MYO1E: variants seen among roughly 807,000 people sequenced by gnomAD.
The protein encoded by MYO1E is unconventional myosin-Ie.
In MYO1E, 68 loss-of-function variants were observed where a neutral mutation model predicts 151.1. The observed-to-expected ratio is 0.45, with a 90% confidence interval of 0.37 to 0.55. The LOEUF is 0.55. Ranked by LOEUF, MYO1E falls within the 20% of genes least tolerant of loss-of-function variation. MYO1E has a pLI of 0.00. For missense variants in MYO1E, 1,363 were observed against 1,389.3 expected (o/e 0.98, Z 0.30); for synonymous variants, 601 against 501.7 (o/e 1.20, Z -2.64).
In MYO1E at chr15:59,372,618, G is replaced by T; in HGVS notation, c.-118C>A. 1.5e-6 allele frequency: 2 copies of T among 1,330,578 alleles called. No individual in the cohort carries two copies. The highest frequency in any genetic ancestry group is 2.1e-6 in the Non-Finnish European group (2 of 974,382). The allele number at this position is 1,330,578 out of a possible 1,614,324, so 82.4% of individuals were successfully genotyped here. A position where few individuals can be genotyped will look rare whatever the true frequency, so the allele number is the denominator to read the frequency against. On this transcript the variant is annotated 5_prime_UTR_variant, in exon 1 of 28. Coordinates refer to ENST00000288235, the MANE Select transcript of MYO1E (RefSeq NM_004998.4). ...TTCCCCTCGCCAAAAACAGGCTCCC[G>T]ACACCCAAGCACTCACAGGAGCCAA...
At chr15:59,302,104 A>C (rs2080486509) in intron 1 of MYO1E, among the ~76,000 whole-genome samples, 1 of 152,168 alleles carries the variant, frequency 6.6e-6, no homozygotes. Context: ...AATTCTCAGG[A>C]AAGTCCCAGG....
chr15:59,300,296 G>GCACA (rs142354170), intron 1 of MYO1E, among the ~76,000 whole-genome samples: 1,928 of 150,070 alleles, frequency 0.013, 34 homozygotes, highest in African/African-American at 0.032. Flanking sequence ...CCCAGCACGC[G>GCACA]CACACACACA....
chr15:59,162,336 C>G (rs1231349044), intron 23 of MYO1E, among the ~76,000 whole-genome samples: 2 of 152,128 alleles, frequency 1.3e-5, no homozygotes, highest in African/African-American at 4.8e-5. Context: ...TCCATTAGAT[C>G]ATGTTGCCAA....
intron 1 of MYO1E, among the ~76,000 whole-genome samples, chr15:59,351,710 G>A (rs2080824202): frequency 6.7e-6 from 1 of 150,046 alleles, no homozygotes; most frequent in African/African-American, 2.4e-5. Context: ...GAAAAGGAAG[G>A]GGGAGTCCTG....
chr15:59,364,587 T>G lies in MYO1E; in HGVS notation c.3+7911A>C, dbSNP rs148332675. 3.9e-3 allele frequency among the ~76,000 whole-genome samples: 592 copies of G among 152,314 alleles called. 2 individuals carry two copies. The highest frequency in any genetic ancestry group is 0.013 in the African/African-American group (532 of 41,572). On this transcript the variant is annotated intron_variant, in intron 1 of 27. Transcript: ENST00000288235. ...AAATAACAGAACACAAATTGTATAT[T>G]TGCCCCATAATTACAACCACATAAA...
At position 59,247,676 on chromosome 15, in the gene MYO1E, G is replaced by C. The variant is rs144565079; in HGVS notation, c.332+8608C>G. Among the ~76,000 whole-genome samples, 13 of 152,300 alleles carry C rather than the reference G, an allele frequency of 8.5e-5. No homozygotes were observed. In the East Asian group the frequency reaches 2.3e-3, roughly 27 times the overall value. On this transcript the variant is annotated intron_variant, in intron 4 of 27. Coordinates refer to ENST00000288235, the MANE Select transcript of MYO1E (RefSeq NM_004998.4). Reference sequence around the variant, plus strand: ...TAGCCCTGGCTTTTAAGCAGAGTGAGCTGGGGGAGCTTGAAAAAAGGTATT... The same window carrying C: ...TAGCCCTGGCTTTTAAGCAGAGTGACCTGGGGGAGCTTGAAAAAAGGTATT...
chr15:59,369,528 A>C (rs1191445700), intron 1 of MYO1E, among the ~76,000 whole-genome samples: 1 of 152,204 alleles, frequency 6.6e-6, no homozygotes, highest in Non-Finnish European at 1.5e-5. Flanking sequence ...CTACGAAGGA[A>C]GCCTTAGATG....
At chr15:59,171,217 C>T in intron 22 of MYO1E, 1 of 156,460 alleles carries the variant, frequency 6.4e-6, no homozygotes, top group East Asian at 1.9e-4. Flanking sequence ...GGGAGGACTT[C>T]TTAGCATGGG....
intron 25 of MYO1E, among the ~76,000 whole-genome samples, chr15:59,157,876 G>T (rs370573373): frequency 1.3e-5 from 2 of 152,200 alleles, no homozygotes; most frequent in African/African-American, 2.4e-5. Context: ...CGAGGATAAG[G>T]GGGTGCTGCT....
Position 59,372,720 on chromosome 15 carries a change from C to CG in MYO1E, c.-221dup. On this transcript the variant is annotated 5_prime_UTR_variant, in exon 1 of 28. An upstream open reading frame in the 5' UTR loses its in-frame stop. Coordinates refer to ENST00000288235, the MANE Select transcript of MYO1E (RefSeq NM_004998.4). ...GGCGAGACGGCGGCGACTTAGCAGG[C>CG]GGGGCGCATGCTGCGGAGGGCAAGA... The CG allele has an allele frequency of 3.4e-6, 2 of 587,568 alleles. No individual in the cohort carries two copies. The highest frequency in any genetic ancestry group is 3.2e-5 in the Admixed American group (1 of 31,284). 36.4% of individuals were successfully genotyped at this position (587,568 alleles called of 1,614,324 possible).
rs529946709 is a variant in MYO1E, at chr15:59,214,773, C to T, written c.1108-53G>A. 1.2e-4 allele frequency: 166 copies of T among 1,393,388 alleles called. 2 individuals are homozygous for T. The South Asian group carries it at 1.6e-3, about 13-fold the overall frequency. 86.3% of individuals were successfully genotyped at this position (1,393,388 alleles called of 1,614,324 possible). Reference sequence around the variant, plus strand: ...AACTCCTTTCCATTCATACTAAAAACGGGCATGCACTGGGGAAAGGGAAGC... The same window carrying T: ...AACTCCTTTCCATTCATACTAAAAATGGGCATGCACTGGGGAAAGGGAAGC... On this transcript the variant is annotated intron_variant, in intron 10 of 27. Transcript: ENST00000288235.
intron 1 of MYO1E, among the ~76,000 whole-genome samples, chr15:59,326,480 G>A (rs1016193299): frequency 2.6e-5 from 4 of 152,158 alleles, no homozygotes; most frequent in African/African-American, 4.8e-5. Flanking sequence ...CCGAGACTGC[G>A]CCACTGCACT....
chr15:59,330,904 G>A (rs2080694096), intron 1 of MYO1E, among the ~76,000 whole-genome samples: 2 of 152,006 alleles, frequency 1.3e-5, no homozygotes, highest in African/African-American at 4.8e-5. Context: ...CAGGTAGCTG[G>A]GACCACAGGC....
At chr15:59,331,260 GCAGCCTTGCTCAGTCCA>G (rs1411296751) in intron 1 of MYO1E, among the ~76,000 whole-genome samples, 1 of 152,198 alleles carries the variant, frequency 6.6e-6, no homozygotes, top group East Asian at 1.9e-4. Flanking sequence ...AGATGTGACA[GCAGCCTTGCTCAGTCCA>G]CAGGTGGACT....
intron 7 of MYO1E, among the ~76,000 whole-genome samples, chr15:59,225,282 G>A (rs1396591247): frequency 6.6e-6 from 1 of 152,110 alleles, no homozygotes. Flanking sequence ...CTACTTCCTT[G>A]CCATGACATA....
intron 1 of MYO1E, among the ~76,000 whole-genome samples, chr15:59,298,850 G>A (rs762013400): frequency 1.4e-4 from 21 of 152,248 alleles, no homozygotes; most frequent in East Asian, 5.8e-4. Flanking sequence ...TTTGATTCCC[G>A]CCATTCTTGT....
intron 4 of MYO1E, among the ~76,000 whole-genome samples, chr15:59,245,276 G>A (rs778054478): frequency 5.9e-5 from 9 of 152,184 alleles, no homozygotes; most frequent in Non-Finnish European, 1.0e-4. Context: ...AGAGACCCAC[G>A]AGCCAAATAT....
Position 59,207,609 on chromosome 15 carries a change from T to G in MYO1E, c.1530+1072A>C. The G allele has an allele frequency of 6.2e-7, 1 of 1,614,202 alleles. No individual in the cohort carries two copies. The highest frequency in any genetic ancestry group is 1.7e-5 in the Admixed American group (1 of 60,018). ...ATACTGCTCGTTTTCGTTTCTTGAT[T>G]GGACAAAAGCTTGGTATCCATTCTG... On this transcript the variant is annotated intron_variant, in intron 14 of 27. Coordinates refer to ENST00000288235, the MANE Select transcript of MYO1E (RefSeq NM_004998.4).
intron 1 of MYO1E, among the ~76,000 whole-genome samples, chr15:59,364,318 T>C (rs1167936807): frequency 1.3e-5 from 2 of 152,152 alleles, no homozygotes; most frequent in Non-Finnish European, 1.5e-5. Context: ...ATGTGGAGTA[T>C]GCATCCCAAG....
Sources: allele counts gnomAD v4.1 joint callset (sites outside exome capture counted in the v4.1 genomes callset), GRCh38; gene constraint gnomAD v4.1.1; transcripts MANE v1.5; gene names NCBI Gene and HGNC (gene_info 2026-07-23, HGNC 2026-07-21).